The following NHSL2 variants were observed in gnomAD, a reference collection of about 807,000 sequenced individuals.
The protein encoded by NHSL2 is NHS-like protein 2.
A neutral mutation model predicts 53.4 loss-of-function variants in NHSL2; 27 were observed. That is an observed-to-expected ratio of 0.51 (90% CI 0.37 to 0.70). NHSL2 has a LOEUF of 0.70. NHSL2 is among the 30% of genes least tolerant of loss of function. The pLI, the probability that NHSL2 is intolerant of heterozygous loss-of-function variation, is 0.00. For synonymous variants in NHSL2, 408 were observed against 404.1 expected, an observed-to-expected ratio of 1.01 and a Z score of -0.12; for missense variants, 892 against 980.1, an observed-to-expected ratio of 0.91 and a Z score of 1.20.
chrX:72,142,287 T>G lies in NHSL2; in HGVS notation c.3279T>G (p.Ala1093=), dbSNP rs2042424155. ...EEKSLISDKT[A]EWIAEDDDDV... ...AAAGTTTAATCAGTGATAAAACAGC[T>G]GAATGGATTGCAGAGGATGATGATG... Residue 1093 remains alanine (A), a synonymous_variant, in exon 7 of 8, where the codon GCT becomes GCG. Coordinates refer to ENST00000633930, the MANE Select transcript of NHSL2 (RefSeq NM_001013627.3). 8.7e-7 allele frequency: 1 copy of G among 1,154,603 alleles called. No homozygotes were observed. The highest frequency in any genetic ancestry group is 1.8e-5 in the African/African-American group (1 of 55,323).
chrX:71,991,846 C>G (rs200564929), intron 1 of NHSL2, among the ~76,000 whole-genome samples: 1 of 92,779 alleles, frequency 1.1e-5, no homozygotes, highest in East Asian at 3.4e-4. Flanking sequence ...CTCTCTCTCT[C>G]TCTCTGTCTT....
At chrX:72,127,200 C>T (rs2042234465) in intron 1 of NHSL2, 1 of 111,136 alleles carries the variant, frequency 9.0e-6, no homozygotes, top group African/African-American at 3.3e-5. Flanking sequence ...GCAACAATAA[C>T]ACATGTATTC....
chrX:71,982,472 G>A (rs755813563), intron 1 of NHSL2, among the ~76,000 whole-genome samples: 6 of 112,095 alleles, frequency 5.4e-5, no homozygotes, highest in East Asian at 2.8e-4. Flanking sequence ...ATGCCTATGA[G>A]TTGACTGATG....
At chrX:71,978,540 A>T (rs1411740319) in intron 1 of NHSL2, among the ~76,000 whole-genome samples, 2 of 112,214 alleles carry the variant, frequency 1.8e-5, no homozygotes, top group Non-Finnish European at 3.8e-5. Context: ...GACACACTTT[A>T]TTCAGTCATG....
chrX:72,085,715 G>GT (rs367789526), intron 1 of NHSL2, among the ~76,000 whole-genome samples: 47,595 of 92,320 alleles, frequency 0.52, 11,213 homozygotes, highest in Non-Finnish European at 0.68. Flanking sequence ...TTTTTTTTTT[G>GT]TTTTTTTTTT....
At chrX:71,946,760 T>C (rs2041794701) in intron 1 of NHSL2, among the ~76,000 whole-genome samples, 1 of 112,451 alleles carries the variant, frequency 8.9e-6, no homozygotes, top group Admixed American at 9.4e-5. Flanking sequence ...ATAATCTGGT[T>C]GGAGCAGACA....
At chrX:72,033,827 G>C (rs962020426) in intron 1 of NHSL2, among the ~76,000 whole-genome samples, 2 of 111,108 alleles carry the variant, frequency 1.8e-5, no homozygotes, top group African/African-American at 6.5e-5. Flanking sequence ...TAATTATGTC[G>C]TCTGCAAATA....
rs997014764 is a variant in NHSL2, at chrX:72,096,215, G to C, written c.281-35864G>C. On this transcript the variant is annotated intron_variant, in intron 1 of 7. Transcript: ENST00000633930. ...CTGCAATAGTGGCTTGGTCTAGGGT[G>C]GTGGCAGTGCTGATGGTAAGAAATG... Among the ~76,000 whole-genome samples, 16 of 111,647 alleles carry C rather than the reference G, an allele frequency of 1.4e-4. 1 individual carries two copies. Among genetic ancestry groups the C allele is most frequent in the Non-Finnish European group, 3.0e-4 (16 of 53,155 alleles).
Position 72,077,078 on chromosome X carries a change from C to G in NHSL2, c.281-55001C>G, listed in dbSNP as rs1023197674. Among the ~76,000 whole-genome samples, 3 of 110,730 alleles carry G rather than the reference C, an allele frequency of 2.7e-5. No homozygotes were observed. The South Asian group carries it at 1.2e-3, about 43-fold the overall frequency. ...TGGGGTGCTCTTTGGGCCCTTTAAG[C>G]TTGTCTCAGAGATGTGCAATCCCCT... is the stretch of plus-strand genomic sequence containing the variant. On this transcript the variant is annotated intron_variant, in intron 1 of 7. Transcript: ENST00000633930.
chrX:72,100,239 T>C (rs769265885), intron 1 of NHSL2, among the ~76,000 whole-genome samples: 3 of 111,548 alleles, frequency 2.7e-5, no homozygotes, highest in African/African-American at 9.8e-5. Flanking sequence ...GCAAACATCA[T>C]AGAGTGTACT....
chrX:72,134,644 G>T lies in NHSL2; in HGVS notation c.700G>T (p.Glu234Ter), dbSNP rs1169684493. 1 of 1,167,566 alleles carries T rather than the reference G, an allele frequency of 8.6e-7. No individual in the cohort carries two copies. The highest frequency in any genetic ancestry group is 1.1e-6 in the Non-Finnish European group (1 of 872,375). Residue 234 changes from glutamate to a stop codon, truncating the protein, a stop_gained, in exon 4 of 8, where the codon GAG becomes TAG. Transcript: ENST00000633930. LOFTEE classifies it high-confidence loss of function. ...CCTTTTCCCTCTGCCCATCCTAGAG[G>T]AGAAGCGGTGGCCTCAGCTTTGCTC... ...NSLFPLPILE[E>*]KRWPQLCSTQ...
intron 1 of NHSL2, among the ~76,000 whole-genome samples, chrX:72,111,135 C>G (rs934708123): frequency 8.9e-6 from 1 of 112,456 alleles, no homozygotes; most frequent in African/African-American, 3.2e-5. Flanking sequence ...TCTCCCTGCC[C>G]CGGACTCTGC....
chrX:71,943,158 C>T (rs1254856509), intron 1 of NHSL2, among the ~76,000 whole-genome samples: 2 of 111,255 alleles, frequency 1.8e-5, no homozygotes, highest in Non-Finnish European at 3.8e-5. Context: ...CACTATGTTG[C>T]CCAGGCTGGA....
rs747321297 is a variant in NHSL2 at position 72,140,153 on chromosome X, C to T, written c.2605C>T (p.Pro869Ser). 5.0e-6 allele frequency: 6 copies of T among 1,209,086 alleles called. No homozygotes were observed. The highest frequency in any genetic ancestry group is 3.0e-5 in the East Asian group (1 of 33,728). The change falls in exon 6 of 8, where the codon CCT (proline) becomes TCT (serine). Residue 869 changes from proline (P) to serine (S), a missense_variant. By Grantham distance (74) the Pro-to-Ser change is moderately conservative. Transcript: ENST00000633930. Reference sequence around the variant, plus strand: ...CACCTTGCCAGAGAGAAAGACAAAACCTCCCGTAGCTGAGAAGCCTCCGGT... The same window carrying T: ...CACCTTGCCAGAGAGAAAGACAAAATCTCCCGTAGCTGAGAAGCCTCCGGT... ...VFTLPERKTK[P>S]PVAEKPPVAR...
chrX:71,969,319 C>CTTTTTTTTT (rs760980869), intron 1 of NHSL2, among the ~76,000 whole-genome samples: 1 of 60,926 alleles, frequency 1.6e-5, no homozygotes, highest in African/African-American at 5.6e-5. Context: ...TTTTTTTTTT[C>CTTTTTTTTT]TTTTTTTTTT....
intron 1 of NHSL2, among the ~76,000 whole-genome samples, chrX:72,056,532 T>C (rs2042370357): frequency 9.1e-6 from 1 of 110,211 alleles, no homozygotes; most frequent in African/African-American, 3.4e-5. Context: ...TATGTATTTG[T>C]GTGCTTATTT....
In NHSL2 at chrX:72,137,181, G is replaced by A. The variant is rs771474554; in HGVS notation, c.848G>A (p.Arg283Lys). 1 of 1,166,737 alleles carries A rather than the reference G, an allele frequency of 8.6e-7. No homozygotes were observed. The highest frequency in any genetic ancestry group is 1.9e-5 in the South Asian group (1 of 52,659). ...AACCCCAAGTCCACCCTGAGGCGGAGGCGGACCATTATTGGATTCTCTAAC... is the reference window on the plus strand; with the variant it reads ...AACCCCAAGTCCACCCTGAGGCGGAAGCGGACCATTATTGGATTCTCTAAC... Reference protein sequence around the residue: ...AVNPKSTLRRRRTIIGFSNFS... With the variant: ...AVNPKSTLRRKRTIIGFSNFS... The change falls in exon 5 of 8, where the codon AGG (arginine) becomes AAG (lysine). Residue 283 changes from arginine (R) to lysine (K), a missense_variant. By Grantham distance (26) the Arg-to-Lys change is conservative (BLOSUM62 2). Coordinates refer to ENST00000633930, the MANE Select transcript of NHSL2 (RefSeq NM_001013627.3).
chrX:71,911,261 G>A lies in NHSL2; in HGVS notation c.174G>A (p.Leu58=), dbSNP rs772653722. The change falls in exon 1 of 8, where the codon CTG becomes CTA. Residue 58 remains leucine (L), a synonymous_variant. Coordinates refer to ENST00000633930, the MANE Select transcript of NHSL2 (RefSeq NM_001013627.3). ...TGCTCGAGGACCTCGAGGGGCACCT[G>A]CTGGCCCTGGGGCGCCGCACAGACA... ...LALLEDLEGH[L]LALGRRTDSL... 2 of 1,145,223 alleles carry A rather than the reference G, an allele frequency of 1.7e-6. No individual in the cohort carries two copies. The highest frequency in any genetic ancestry group is 1.2e-6 in the Non-Finnish European group (1 of 867,315). 94.4% of individuals were successfully genotyped at this position (1,145,223 alleles called of 1,213,427 possible). A position where few individuals can be genotyped will look rare whatever the true frequency, so the allele number is the denominator to read the frequency against.
chrX:72,041,501 C>T (rs1478797487), intron 1 of NHSL2, among the ~76,000 whole-genome samples: 1 of 112,265 alleles, frequency 8.9e-6, no homozygotes, highest in African/African-American at 3.2e-5. Flanking sequence ...TGTCGCTTTT[C>T]AACATTGACA....
Sources: allele counts gnomAD v4.1 joint callset (sites outside exome capture counted in the v4.1 genomes callset), GRCh38; gene constraint gnomAD v4.1.1; transcripts MANE v1.5; gene names NCBI Gene and HGNC (gene_info 2026-07-23, HGNC 2026-07-21).